The following MPDZ variants were observed in gnomAD, a reference collection of about 807,000 sequenced individuals.
MPDZ encodes multiple PDZ domain protein.
MPDZ carries 234 observed loss-of-function variants against 239.1 expected under a neutral mutation model. The observed-to-expected ratio is 0.98, with a 90% CI of 0.88 to 1.09. MPDZ has a LOEUF of 1.09. Among genes scored for constraint, MPDZ ranks in the 50% least tolerant of loss-of-function variants. The probability of loss-of-function intolerance (pLI) is 0.00; values close to 1 mark genes in which losing one functional copy is unlikely to be tolerated. For synonymous variants in MPDZ, 1,048 were observed against 881.3 expected (o/e 1.19, Z -3.35); for missense variants, 3,175 against 2,510.0 (o/e 1.26, Z -5.66).
intron 32 of MPDZ, among the ~76,000 whole-genome samples, chr9:13,131,085 A>C (rs1001151369): frequency 4.6e-5 from 7 of 152,208 alleles, no homozygotes; most frequent in Non-Finnish European, 1.0e-4. Context: ...AAATAACTAT[A>C]ATTTAAAAAT....
intron 15 of MPDZ, 40 bp from the exon 16 acceptor site, chr9:13,190,339 A>T: frequency 6.9e-7 from 1 of 1,456,420 alleles, no homozygotes; most frequent in Non-Finnish European, 9.1e-7. Context: ...GAGGCATTGC[A>T]TTAGCTGACA....
At chr9:13,218,200 C>G (rs1031629556) in intron 8 of MPDZ, among the ~76,000 whole-genome samples, 1 of 151,738 alleles carries the variant, frequency 6.6e-6, no homozygotes, top group African/African-American at 2.4e-5. Context: ...TTTTTCATTG[C>G]ACATAATTAT....
intron 28 of MPDZ, 146 bp from the exon 29 acceptor site, chr9:13,138,299 G>A (rs1947141034): frequency 1.9e-5 from 17 of 909,712 alleles, no homozygotes; most frequent in Non-Finnish European, 2.6e-5. Flanking sequence ...AATAGACTAG[G>A]CACTTGGGCA....
At position 13,123,144 on chromosome 9, in the gene MPDZ, G is replaced by C. The variant is rs774907161; in HGVS notation, c.4953+9C>G. 1.2e-6 allele frequency: 2 copies of C among 1,610,066 alleles called. No individual in the cohort carries two copies. The highest frequency in any genetic ancestry group is 1.7e-6 in the Non-Finnish European group (2 of 1,178,274). On this transcript the variant is annotated intron_variant, in intron 36 of 46. Transcript: ENST00000319217. Reference sequence around the variant, plus strand: ...GGCCTGTACAGAAGCACCTCTGGGTGGTGCTCACCAGCAGCGTGTCTGAAC... The same window carrying C: ...GGCCTGTACAGAAGCACCTCTGGGTCGTGCTCACCAGCAGCGTGTCTGAAC...
intron 24 of MPDZ, among the ~76,000 whole-genome samples, chr9:13,154,774 T>C (rs1355803780): frequency 6.6e-6 from 1 of 152,154 alleles, no homozygotes; most frequent in Non-Finnish European, 1.5e-5. Flanking sequence ...ATCTGATCAA[T>C]CCTGTTATAC....
chr9:13,118,803 A>G (rs531752300), intron 39 of MPDZ, among the ~76,000 whole-genome samples: 3 of 152,314 alleles, frequency 2.0e-5, no homozygotes, highest in African/African-American at 7.2e-5. Context: ...TGCCTTTCCA[A>G]TCAGAAAATG....
intron 22 of MPDZ, among the ~76,000 whole-genome samples, 196 bp downstream of exon 22, chr9:13,168,170 T>C (rs1287204090): frequency 6.6e-6 from 1 of 152,140 alleles, no homozygotes; most frequent in African/African-American, 2.4e-5. Context: ...TCCAAATTTT[T>C]AATACTGATA....
chr9:13,113,994 T>C lies in MPDZ; in HGVS notation c.5494A>G (p.Thr1832Ala), dbSNP rs1942944839. The C allele has an allele frequency of 9.4e-6, 15 of 1,597,406 alleles. No homozygotes were observed. The highest frequency in any genetic ancestry group is 1.3e-5 in the Non-Finnish European group (15 of 1,171,428). Residue 1832 changes from threonine to alanine, a missense_variant, in exon 41 of 47, where the codon ACT becomes GCT. Coordinates refer to ENST00000319217, the MANE Select transcript of MPDZ (RefSeq NM_001378778.1). ...QVSEGSLSSF[T>A]FPLSGSSTSE... ...GTACTGGATCCAGAGAGTGGAAAAG[T>C]GAAAGATGACAGGCTGCCTTCACTC...
At chr9:13,127,341 A>G (rs901763638) in intron 32 of MPDZ, among the ~76,000 whole-genome samples, 1 of 152,234 alleles carries the variant, frequency 6.6e-6, no homozygotes, top group Non-Finnish European at 1.5e-5. Flanking sequence ...CTCAGTCCCA[A>G]GACAAGCTCT....
chr9:13,265,476 G>A (rs967302138), intron 1 of MPDZ, among the ~76,000 whole-genome samples: 1 of 152,232 alleles, frequency 6.6e-6, no homozygotes, highest in Non-Finnish European at 1.5e-5. Context: ...GGCTGAGGCA[G>A]CAGAATCACT....
intron 22 of MPDZ, 51 bp from the exon 23 acceptor site, chr9:13,162,846 A>G: frequency 7.7e-7 from 1 of 1,293,404 alleles, no homozygotes; most frequent in Non-Finnish European, 1.1e-6. Flanking sequence ...ATTTTGCCTA[A>G]TTGTTAGGAA....
intron 1 of MPDZ, among the ~76,000 whole-genome samples, chr9:13,278,841 C>A (rs111653137): frequency 1.3e-5 from 2 of 152,006 alleles, no homozygotes; most frequent in Non-Finnish European, 2.9e-5. Flanking sequence ...CTACCGCAAC[C>A]CGCACATCCC....
chr9:13,160,862 ATATAT>A (rs1950393825), intron 23 of MPDZ, among the ~76,000 whole-genome samples: 1 of 125,402 alleles, frequency 8.0e-6, no homozygotes, highest in South Asian at 2.6e-4. Context: ...ATATATATAT[ATATAT>A]ATAAAACAGG....
chr9:13,162,611 T>G, intron 23 of MPDZ, 80 bp downstream of exon 23: 2 of 794,304 alleles, frequency 2.5e-6, no homozygotes, highest in Non-Finnish European at 2.0e-6. Context: ...TTCTTTGCTC[T>G]AGTCCTCCCT....
intron 3 of MPDZ, among the ~76,000 whole-genome samples, chr9:13,228,580 T>A (rs1961377262): frequency 6.6e-6 from 1 of 152,168 alleles, no homozygotes; most frequent in Admixed American, 6.6e-5. Flanking sequence ...ACATGCAATT[T>A]GTTCAATCTT....
chr9:13,273,557 C>T (rs1486214770), intron 1 of MPDZ, among the ~76,000 whole-genome samples: 1 of 152,002 alleles, frequency 6.6e-6, no homozygotes, highest in Admixed American at 6.5e-5. Context: ...GTATATGTTA[C>T]AATTCAGATT....
chr9:13,126,516 C>T lies in MPDZ; in HGVS notation c.4632G>A (p.Lys1544=). 2 of 1,555,186 alleles carry T rather than the reference C, an allele frequency of 1.3e-6. No individual in the cohort carries two copies. The highest frequency in any genetic ancestry group is 1.7e-4 in the Middle Eastern group (1 of 5,972). Residue 1544 remains lysine, a splice_region_variant and synonymous_variant, in exon 34 of 47, where the codon AAG becomes AAA. Transcript: ENST00000319217. The part of the protein sequence containing the change: ...DEIVVGYPIE[K]FISLLKTAKM... ...CATTTACTTTATTTTGGAAAATTAC[C>T]TTTTCAATAGGGTAACCAACAACAA...
intron 19 of MPDZ, among the ~76,000 whole-genome samples, chr9:13,179,188 A>G (rs570857788): frequency 6.6e-6 from 1 of 152,270 alleles, no homozygotes; most frequent in East Asian, 1.9e-4. Flanking sequence ...ACAGGAAGGT[A>G]TCATCCTCCA....
chr9:13,250,213 T>G, intron 2 of MPDZ, 87 bp downstream of exon 2: 1 of 1,250,960 alleles, frequency 8.0e-7, no homozygotes, highest in Non-Finnish European at 1.1e-6. Flanking sequence ...GACAGAATCC[T>G]GCTATGTTAA....
Sources: allele counts gnomAD v4.1 joint callset (sites outside exome capture counted in the v4.1 genomes callset), GRCh38; gene constraint gnomAD v4.1.1; transcripts MANE v1.5; gene names NCBI Gene and HGNC (gene_info 2026-07-23, HGNC 2026-07-21).